The following COX4I1 variants were observed in gnomAD, a reference collection of about 807,000 sequenced individuals.
COX4I1 encodes the protein cytochrome c oxidase subunit 4I1, also known as cytochrome c oxidase subunit 4 isoform 1, mitochondrial.
COX4I1 carries 18 observed loss-of-function variants against 21.7 expected under a neutral mutation model. The ratio of observed to expected loss-of-function variants is 0.83; its 90% CI spans 0.57 to 1.23. COX4I1 has a LOEUF of 1.23. Ranked by LOEUF, COX4I1 falls within the 50% of genes most tolerant of loss-of-function variation. The pLI is 0.00. For synonymous variants in COX4I1, 100 were observed against 81.5 expected, an observed-to-expected ratio of 1.23 and a Z score of -1.23; for missense variants, 238 against 220.7, an observed-to-expected ratio of 1.08 and a Z score of -0.50.
At chr16:85,806,630 C>G (rs967737140) in intron 4 of COX4I1, 108 bp from the exon 5 acceptor site, 2 of 1,569,602 alleles carry the variant, frequency 1.3e-6, no homozygotes, top group African/African-American at 2.7e-5. Context: ...GCAGGTGGCT[C>G]TGCTGACCTG....
At chr16:85,800,287 A>T (rs2152080130) in intron 1 of COX4I1, among the ~76,000 whole-genome samples, 1 of 152,284 alleles carries the variant, frequency 6.6e-6, no homozygotes, top group East Asian at 1.9e-4. Context: ...CATCACTCTC[A>T]CCAGTCCTCC....
At chr16:85,805,693 G>A in intron 3 of COX4I1, 40 bp from the exon 4 acceptor site, 1 of 1,608,594 alleles carries the variant, frequency 6.2e-7, no homozygotes, top group Non-Finnish European at 8.5e-7. Flanking sequence ...GGGAGCTGCT[G>A]ACCTTTGTGC....
chr16:85,801,218 A>G lies in COX4I1; in HGVS notation c.13A>G (p.Arg5Gly), dbSNP rs1211604648. The change falls in exon 2 of 5, where the codon AGG becomes GGG. Residue 5 changes from arginine (R) to glycine (G), a missense_variant. Coordinates refer to ENST00000253452, the MANE Select transcript of COX4I1 (RefSeq NM_001861.6). The stretch of plus-strand genomic sequence containing the variant: ...TTTATCTTTCAGAATGTTGGCTACC[A>G]GGGTATTTAGCCTAGTTGGCAAGCG... MLATRVFSLVGKRAI... is the reference protein window; with the variant it reads MLATGVFSLVGKRAI... 6.8e-6 allele frequency: 11 copies of G among 1,608,410 alleles called. No homozygotes were observed. Among genetic ancestry groups the G allele is most frequent in the Non-Finnish European group, 8.5e-6 (10 of 1,175,264 alleles).
At chr16:85,803,442 A>C (rs1905922612) in intron 2 of COX4I1, 1 of 152,236 alleles carries the variant, frequency 6.6e-6, no homozygotes, top group Non-Finnish European at 1.5e-5. Context: ...GACTGAGCTA[A>C]TGGAGTTGAA....
intron 3 of COX4I1, 70 bp downstream of exon 3, chr16:85,805,174 T>C: frequency 1.4e-6 from 2 of 1,464,966 alleles, no homozygotes; most frequent in South Asian, 2.6e-5. Flanking sequence ...GAGCCTCTGC[T>C]CACTTCTGGG....
chr16:85,806,558 T>A, intron 4 of COX4I1, 180 bp from the exon 5 acceptor site: 2 of 869,810 alleles, frequency 2.3e-6, no homozygotes, highest in Non-Finnish European at 3.8e-6. Context: ...AACAAAGGGC[T>A]AATTTTAAAA....
At chr16:85,800,586 C>G (rs906343327) in intron 1 of COX4I1, among the ~76,000 whole-genome samples, 3 of 152,142 alleles carry the variant, frequency 2.0e-5, no homozygotes, top group African/African-American at 7.2e-5. Context: ...TTAATGATCT[C>G]TAGCTTTTTC....
At chr16:85,806,370 T>G (rs1906200512) in intron 4 of COX4I1, 1 of 670,454 alleles carries the variant, frequency 1.5e-6, no homozygotes. Flanking sequence ...CAGGCATTTT[T>G]GCATTCTGAA....
intron 4 of COX4I1, 102 bp downstream of exon 4, chr16:85,805,966 A>T: frequency 6.7e-7 from 1 of 1,485,932 alleles, no homozygotes; most frequent in East Asian, 2.3e-5. Context: ...AGGCTATGAG[A>T]TAGGGACTGC....
In COX4I1 at chr16:85,806,722, C is replaced by T. The variant is rs761105401; in HGVS notation, c.374-16C>T. On this transcript the variant is annotated splice_polypyrimidine_tract_variant and intron_variant, in intron 4 of 4. Coordinates refer to ENST00000253452, the MANE Select transcript of COX4I1 (RefSeq NM_001861.6). ...TGTTGAGATAGTCTTGCCCCATAAC[C>T]TGTCTCACACCGTAGTGTACGGCCC... 1.9e-6 allele frequency: 3 copies of T among 1,613,894 alleles called. No homozygotes were observed. Among genetic ancestry groups the T allele is most frequent in the Non-Finnish European group, 2.5e-6 (3 of 1,179,944 alleles).
rs1011073710 is a variant in COX4I1 at position 85,801,096 on chromosome 16, T to C, written c.-1-109T>C. On this transcript the variant is annotated intron_variant, in intron 1 of 4. Transcript: ENST00000253452. ...AGTGATAAAGAATGGATCATTTGCG[T>C]TGGGGAGAAGCAAACAAAAAAATTC... is the stretch of plus-strand genomic sequence containing the variant. 24 of 796,552 alleles carry C rather than the reference T, an allele frequency of 3.0e-5. No homozygotes were observed. The African/African-American group carries it at 3.4e-4, about 11-fold the overall frequency. 49.3% of individuals were successfully genotyped at this position (796,552 alleles called of 1,614,324 possible).
At chr16:85,801,986 G>A (rs1469477239) in intron 2 of COX4I1, among the ~76,000 whole-genome samples, 1 of 152,146 alleles carries the variant, frequency 6.6e-6, no homozygotes, top group Non-Finnish European at 1.5e-5. Context: ...AGCCCGATGT[G>A]GGTTTCAGGG....
At chr16:85,800,065 G>A (rs1905565825) in intron 1 of COX4I1, among the ~76,000 whole-genome samples, 2 of 150,962 alleles carry the variant, frequency 1.3e-5, no homozygotes, top group Non-Finnish European at 2.9e-5. Context: ...CCCGCGCTCT[G>A]TGCCTGCAGC....
intron 4 of COX4I1, chr16:85,806,274 C>T (rs979151275): frequency 1.2e-5 from 7 of 601,460 alleles, no homozygotes; most frequent in Admixed American, 8.9e-5. Context: ...CTGGGGGTCC[C>T]GACCTGATAG....
chr16:85,805,199 G>A (rs937835491), intron 3 of COX4I1, 95 bp downstream of exon 3: 3 of 610,816 alleles, frequency 4.9e-6, no homozygotes, highest in Non-Finnish European at 6.4e-6. Flanking sequence ...CTGTCTAGAG[G>A]CAGTCTTGCA....
intron 3 of COX4I1, 50 bp downstream of exon 3, chr16:85,805,154 G>A: frequency 1.3e-6 from 2 of 1,555,182 alleles, no homozygotes; most frequent in Non-Finnish European, 1.7e-6. Flanking sequence ...TCGGAAGCGT[G>A]TGTGTGACAG....
In COX4I1 at chr16:85,800,602, C is replaced by G. The variant is rs188914684; in HGVS notation, c.-1-603C>G. Among the ~76,000 whole-genome samples, 836 of 152,272 alleles carry G rather than the reference C, an allele frequency of 5.5e-3. 14 individuals carry two copies. Among genetic ancestry groups the G allele is most frequent in the African/African-American group, 0.019 (795 of 41,568 alleles). ...TAATGATCTCTAGCTTTTTCAGAGTCACCTTGTTAGCATTTTTTCTTCTTG... is the reference window on the plus strand; with the variant it reads ...TAATGATCTCTAGCTTTTTCAGAGTGACCTTGTTAGCATTTTTTCTTCTTG... On this transcript the variant is annotated intron_variant, in intron 1 of 4. Transcript: ENST00000253452.
At position 85,806,783 on chromosome 16, in the gene COX4I1, A is replaced by G. The variant is rs779219247; in HGVS notation, c.419A>G (p.Lys140Arg). The G allele has an allele frequency of 6.2e-7, 1 of 1,614,210 alleles. No homozygotes were observed. The highest frequency in any genetic ancestry group is 1.1e-5 in the South Asian group (1 of 91,084). Residue 140 changes from lysine to arginine, a missense_variant, in exon 5 of 5, where the codon AAG (lysine) becomes AGG (arginine). By Grantham distance (26) the Lys-to-Arg change is conservative. Transcript: ENST00000253452. ...AGCTTTGACAAAGAGTGGGTGGCCAAGCAGACCAAGAGGATGCTGGACATG... is the reference window on the plus strand; with the variant it reads ...AGCTTTGACAAAGAGTGGGTGGCCAGGCAGACCAAGAGGATGCTGGACATG... Reference protein sequence around the residue: ...PQSFDKEWVAKQTKRMLDMKV... With the variant: ...PQSFDKEWVARQTKRMLDMKV...
chr16:85,806,286 TTG>T, intron 4 of COX4I1: 1 of 602,876 alleles, frequency 1.7e-6, no homozygotes. Context: ...ACCTGATAGT[TTG>T]TGTGTGGGCA....
Sources: gnomAD v4.1 joint callset for allele counts (sites outside exome capture counted in the v4.1 genomes callset) on GRCh38, gnomAD v4.1.1 for gene constraint, MANE v1.5 for transcripts, NCBI Gene and HGNC (gene_info 2026-07-23, HGNC 2026-07-21) for gene names.